OPN5: variants seen among roughly 807,000 people sequenced by gnomAD.
OPN5 encodes the protein opsin 5, also known as opsin-5.
OPN5 carries 18 observed loss-of-function variants against 41.7 expected under a neutral mutation model. The observed-to-expected ratio is 0.43, with a 90% CI of 0.30 to 0.64. The LOEUF is 0.64. Ranked by LOEUF, OPN5 falls within the 30% of genes least tolerant of loss-of-function variation. The pLI is 0.13. For missense variants in OPN5, 318 were observed against 434.5 expected (o/e 0.73, Z 2.38); for synonymous variants, 178 against 164.3 (o/e 1.08, Z -0.64).
intron 4 of OPN5, among the ~76,000 whole-genome samples, chr6:47,800,381 C>A (rs1773722627): frequency 6.6e-6 from 1 of 151,998 alleles, no homozygotes; most frequent in African/African-American, 2.4e-5. Flanking sequence ...GGGGTGGAAG[C>A]TCTCCTCTTG....
exon 7 of OPN5, chr6:47,824,520 C>T (rs1465044075): frequency 6.5e-6 from 1 of 153,928 alleles, no homozygotes; most frequent in African/African-American, 2.4e-5. Flanking sequence ...TAGGGTTTGT[C>T]CCTGATGCCT....
intron 6 of OPN5, among the ~76,000 whole-genome samples, chr6:47,812,436 A>T (rs2113995152): frequency 6.6e-6 from 1 of 152,296 alleles, no homozygotes; most frequent in African/African-American, 2.4e-5. Flanking sequence ...GAATTTAGTG[A>T]AGATAGCTAT....
At chr6:47,796,807 C>T (rs1280853989) in intron 4 of OPN5, among the ~76,000 whole-genome samples, 1 of 152,122 alleles carries the variant, frequency 6.6e-6, no homozygotes, top group African/African-American at 2.4e-5. Context: ...CTCTTGGTTG[C>T]ATATTGTATT....
At chr6:47,813,919 G>A (rs1202221954) in intron 6 of OPN5, among the ~76,000 whole-genome samples, 1 of 151,922 alleles carries the variant, frequency 6.6e-6, no homozygotes, top group Non-Finnish European at 1.5e-5. Context: ...ATGGGATGGG[G>A]GAGAGAGTGA....
At chr6:47,823,222 T>G (rs1420282000) in intron 6 of OPN5, among the ~76,000 whole-genome samples, 1 of 152,178 alleles carries the variant, frequency 6.6e-6, no homozygotes, top group East Asian at 1.9e-4. Flanking sequence ...GTTGGAGAGA[T>G]AGTTTGGCTT....
At chr6:47,791,867 T>G in exon 3 of OPN5, 2 of 1,614,060 alleles carry the variant, frequency 1.2e-6, no homozygotes, top group Non-Finnish European at 1.7e-6. Context: ...CTGGATCGGC[T>G]GCCGCTGGTA....
At chr6:47,786,162 G>A (rs1372143703) in intron 1 of OPN5, among the ~76,000 whole-genome samples, 1 of 152,216 alleles carries the variant, frequency 6.6e-6, no homozygotes. Flanking sequence ...CAGAGGGAGG[G>A]AGTTCTATAA....
At chr6:47,807,142 A>C (rs1447852829) in intron 4 of OPN5, among the ~76,000 whole-genome samples, 1 of 152,156 alleles carries the variant, frequency 6.6e-6, no homozygotes, top group Non-Finnish European at 1.5e-5. Flanking sequence ...GGGCAACAAG[A>C]GCGAAACTTC....
At chr6:47,806,335 A>G (rs1275598500) in intron 4 of OPN5, among the ~76,000 whole-genome samples, 2 of 152,174 alleles carry the variant, frequency 1.3e-5, no homozygotes, top group African/African-American at 2.4e-5. Flanking sequence ...CTGAAATAGC[A>G]CAAGTTTTAA....
At chr6:47,792,055 TAAAC>T (rs1773391905) in intron 3 of OPN5, 83 bp downstream of exon 3, 4 of 914,032 alleles carry the variant, frequency 4.4e-6, no homozygotes, top group Non-Finnish European at 6.8e-6. Context: ...ATGCAGGTAA[TAAAC>T]AAAGATTATG....
chr6:47,824,150 G>T, exon 7 of OPN5: 3 of 664,022 alleles, frequency 4.5e-6, no homozygotes, highest in Non-Finnish European at 8.2e-6. Context: ...AAACAATGAT[G>T]CACCCTAGGA....
At chr6:47,800,515 G>A (rs1297994885) in intron 4 of OPN5, among the ~76,000 whole-genome samples, 3 of 152,208 alleles carry the variant, frequency 2.0e-5, no homozygotes, top group Non-Finnish European at 4.4e-5. Flanking sequence ...CAATACTGAT[G>A]TTATTTGCAG....
intron 6 of OPN5, chr6:47,812,008 T>C (rs72866339): frequency 4.1e-5 from 10 of 242,780 alleles, no homozygotes; most frequent in Non-Finnish European, 5.5e-5. Context: ...CAGAATTGAA[T>C]GTGAGATAGT....
chr6:47,804,161 T>A (rs1407550550), intron 4 of OPN5, among the ~76,000 whole-genome samples: 1 of 152,186 alleles, frequency 6.6e-6, no homozygotes, highest in Non-Finnish European at 1.5e-5. Flanking sequence ...ATGATGTACT[T>A]AAAATGAACT....
At chr6:47,819,725 G>A (rs1315048941) in intron 6 of OPN5, among the ~76,000 whole-genome samples, 1 of 151,998 alleles carries the variant, frequency 6.6e-6, no homozygotes, top group Non-Finnish European at 1.5e-5. Context: ...TATTTCTAAT[G>A]CAAACATAAA....
At position 47,817,482 on chromosome 6, in the gene OPN5, T is replaced by C. The variant is rs1221877992; in HGVS notation, c.1056+5751T>C. Reference sequence around the variant, plus strand: ...GAGTTTAAACTCGTTAATGTCTGTGTATGATGTTGTTGCATATAGGGTGGT... The same window carrying C: ...GAGTTTAAACTCGTTAATGTCTGTGCATGATGTTGTTGCATATAGGGTGGT... On this transcript the variant is annotated intron_variant, in intron 6 of 6. Transcript: ENST00000371211. Among the ~76,000 whole-genome samples the C allele has an allele frequency of 3.3e-5, 5 of 152,120 alleles. No homozygotes were observed. In the East Asian group the frequency reaches 7.7e-4, roughly 23 times the overall value.
chr6:47,802,554 A>G (rs191447118), intron 4 of OPN5, among the ~76,000 whole-genome samples: 36 of 152,274 alleles, frequency 2.4e-4, no homozygotes, highest in African/African-American at 8.2e-4. Flanking sequence ...CTGCATGTCT[A>G]TGAAAATGAC....
At chr6:47,818,273 C>G (rs1325283865) in intron 6 of OPN5, among the ~76,000 whole-genome samples, 2 of 151,858 alleles carry the variant, frequency 1.3e-5, no homozygotes, top group East Asian at 3.9e-4. Flanking sequence ...TTTATTCAAA[C>G]TGCTCAGAAT....
At chr6:47,792,543 G>A (rs1773410899) in intron 3 of OPN5, among the ~76,000 whole-genome samples, 2 of 152,172 alleles carry the variant, frequency 1.3e-5, no homozygotes, top group East Asian at 1.9e-4. Flanking sequence ...AAGAATTGGT[G>A]AATCAGCAGA....
Sources: gnomAD v4.1 joint callset for allele counts (sites outside exome capture counted in the v4.1 genomes callset) on GRCh38, gnomAD v4.1.1 for gene constraint, MANE v1.5 for transcripts, NCBI Gene and HGNC (gene_info 2026-07-23, HGNC 2026-07-21) for gene names.